The following ITIH5 variants were observed in gnomAD, a reference collection of about 807,000 sequenced individuals.
ITIH5 encodes the protein inter-alpha-trypsin inhibitor heavy chain 5.
Under a neutral mutation model 77.5 loss-of-function variants are expected in ITIH5, and 65 were observed. That is an observed-to-expected ratio of 0.84 (90% CI 0.69 to 1.03). The LOEUF is 1.03. Ranked by LOEUF, ITIH5 falls within the 50% of genes least tolerant of loss-of-function variation. ITIH5 has a pLI of 0.00. For synonymous variants in ITIH5, 525 were observed against 494.3 expected, an observed-to-expected ratio of 1.06 and a Z score of -0.82; for missense variants, 1,208 against 1,213.1, an observed-to-expected ratio of 1.00 and a Z score of 0.06.
intron 2 of ITIH5, among the ~76,000 whole-genome samples, chr10:7,645,084 G>A (rs868553582): frequency 1.3e-5 from 2 of 151,312 alleles, no homozygotes; most frequent in African/African-American, 4.9e-5. Flanking sequence ...AAGGTGTCAG[G>A]GCCATTCATC....
intron 5 of ITIH5, among the ~76,000 whole-genome samples, chr10:7,636,549 G>A (rs764569351): frequency 5.9e-5 from 9 of 151,930 alleles, no homozygotes; most frequent in Admixed American, 1.3e-4. Context: ...TTTTATAATC[G>A]TAATTTACTA....
chr10:7,614,527 T>C (rs1833325660), intron 7 of ITIH5, among the ~76,000 whole-genome samples: 1 of 152,198 alleles, frequency 6.6e-6, no homozygotes, highest in Admixed American at 6.5e-5. Context: ...GTGTATTTTA[T>C]GCATGGCTCA....
rs759895920 is a variant in ITIH5 at position 7,576,524 on chromosome 10, G to A, written c.1907C>T (p.Ala636Val). Residue 636 changes from alanine (A) to valine (V), a missense_variant, in exon 10 of 14, where the codon GCC (alanine) becomes GTC (valine). Coordinates refer to ENST00000397146, the MANE Select transcript of ITIH5 (RefSeq NM_030569.7). ...PVPRMDGLEE[A>V]HGMSAAMGPE... ...TCCCATGGCAGCCGACATGCCGTGG[G>A]CCTCCTCCAGGCCATCCATGCGTGG... 2.6e-5 allele frequency: 42 copies of A among 1,612,318 alleles called. No homozygotes were observed. The highest frequency in any genetic ancestry group is 3.3e-5 in the Non-Finnish European group (39 of 1,179,980).
intron 5 of ITIH5, among the ~76,000 whole-genome samples, chr10:7,623,385 C>T (rs59536361): frequency 0.039 from 5,966 of 152,212 alleles, 418 homozygotes; most frequent in African/African-American, 0.14. Flanking sequence ...GTCAAAAATA[C>T]TGTGAATAAT....
intron 10 of ITIH5, among the ~76,000 whole-genome samples, chr10:7,574,013 CAACAAA>C (rs915740686): frequency 4.6e-5 from 7 of 152,004 alleles, no homozygotes; most frequent in African/African-American, 1.7e-4. Context: ...TTTATGTTCA[CAACAAA>C]AACAAAAACA....
intron 12 of ITIH5, among the ~76,000 whole-genome samples, chr10:7,567,995 G>A (rs576312140): frequency 2.0e-5 from 3 of 152,214 alleles, no homozygotes; most frequent in African/African-American, 7.2e-5. Flanking sequence ...AAACTGCTAT[G>A]AAATAGAACT....
intron 1 of ITIH5, among the ~76,000 whole-genome samples, chr10:7,663,678 C>T (rs772667725): frequency 6.6e-6 from 1 of 152,162 alleles, no homozygotes; most frequent in Non-Finnish European, 1.5e-5. Context: ...CTAGATCCAC[C>T]CCTGCCTATG....
intron 1 of ITIH5, among the ~76,000 whole-genome samples, chr10:7,664,659 G>A (rs1834334014): frequency 6.6e-6 from 1 of 152,190 alleles, no homozygotes; most frequent in African/African-American, 2.4e-5. Flanking sequence ...AATCTAAGGT[G>A]TTACTGGTAT....
At chr10:7,597,936 T>G (rs1832939457) in intron 7 of ITIH5, among the ~76,000 whole-genome samples, 1 of 151,146 alleles carries the variant, frequency 6.6e-6, no homozygotes. Context: ...GTCTTAGGAG[T>G]AAGGCAATAA....
At chr10:7,563,809 C>T (rs1306018221) in intron 13 of ITIH5, among the ~76,000 whole-genome samples, 1 of 152,220 alleles carries the variant, frequency 6.6e-6, no homozygotes, top group Non-Finnish European at 1.5e-5. Context: ...AGCTCAGATC[C>T]TCTCTGACCC....
rs138602251 is a variant in ITIH5, at chr10:7,565,729, T to G, written c.2527+301A>C. 6.7e-4 allele frequency among the ~76,000 whole-genome samples: 100 copies of G among 148,962 alleles called. No homozygotes were observed. In the East Asian group the frequency reaches 0.015, roughly 23 times the overall value. On this transcript the variant is annotated intron_variant, in intron 13 of 13. Transcript: ENST00000397146. The stretch of plus-strand genomic sequence containing the variant: ...ATATAATATATATTATGTATTTATA[T>G]AGAGAGACTATATACACATATGCAG...
chr10:7,626,503 G>A (rs562348886), intron 5 of ITIH5, among the ~76,000 whole-genome samples: 1 of 152,340 alleles, frequency 6.6e-6, no homozygotes, highest in Non-Finnish European at 1.5e-5. Flanking sequence ...TCCTGGCAAA[G>A]GTACAGAGAT....
In ITIH5 at chr10:7,605,234, ATC is replaced by A. The variant is rs1192803213; in HGVS notation, c.939+10746_939+10747del. The stretch of plus-strand genomic sequence containing the variant: ...CCTCCACGCTTTGCACATGTCACGC[ATC>A]TCTCTCATTCTGCTTGGATCCAATC... On this transcript the variant is annotated intron_variant, in intron 7 of 13. Transcript: ENST00000397146. 9.9e-5 allele frequency among the ~76,000 whole-genome samples: 15 copies of A among 150,824 alleles called. 1 individual carries two copies. Among genetic ancestry groups the A allele is most frequent in the Admixed American group, 9.9e-4 (15 of 15,112 alleles).
At chr10:7,610,302 T>C (rs866307243) in intron 7 of ITIH5, among the ~76,000 whole-genome samples, 3 of 152,160 alleles carry the variant, frequency 2.0e-5, no homozygotes, top group African/African-American at 7.2e-5. Flanking sequence ...ATGTTCCCAC[T>C]GGGATTAGGA....
intron 7 of ITIH5, among the ~76,000 whole-genome samples, chr10:7,597,033 A>T: frequency 7.3e-6 from 1 of 136,378 alleles, no homozygotes; most frequent in Non-Finnish European, 1.5e-5. Context: ...GTGCAGAGTG[A>T]GTCTCCAACT....
chr10:7,618,195 C>A (rs984107557), intron 5 of ITIH5: 1 of 151,900 alleles, frequency 6.6e-6, no homozygotes, highest in Non-Finnish European at 1.5e-5. Flanking sequence ...TCTTGAACTC[C>A]TAGGCTCAAG....
At chr10:7,600,923 T>G (rs1833002054) in intron 7 of ITIH5, among the ~76,000 whole-genome samples, 1 of 152,240 alleles carries the variant, frequency 6.6e-6, no homozygotes, top group Admixed American at 6.5e-5. Flanking sequence ...GGCATCTTGA[T>G]GTTGGACTTT....
chr10:7,565,062 CAT>C (rs535960802), intron 13 of ITIH5, among the ~76,000 whole-genome samples: 56 of 114,564 alleles, frequency 4.9e-4, no homozygotes, highest in African/African-American at 1.4e-3. Context: ...TATATACACA[CAT>C]AGACTGTATA....
At chr10:7,623,751 C>T (rs1238796173) in intron 5 of ITIH5, among the ~76,000 whole-genome samples, 4 of 137,746 alleles carry the variant, frequency 2.9e-5, no homozygotes, top group Non-Finnish European at 6.0e-5. Context: ...CACAGTGAGC[C>T]GAGATTGCAC....
Sources: allele counts gnomAD v4.1 joint callset (sites outside exome capture counted in the v4.1 genomes callset), GRCh38; gene constraint gnomAD v4.1.1; transcripts MANE v1.5; gene names NCBI Gene and HGNC (gene_info 2026-07-23, HGNC 2026-07-21).